The following FRMPD4 variants were observed in gnomAD, a reference collection of about 807,000 sequenced individuals.
FRMPD4 encodes the protein FERM and PDZ domain containing 4, also known as FERM and PDZ domain-containing protein 4.
Under a neutral mutation model 94.1 loss-of-function variants are expected in FRMPD4, and 22 were observed. That is an observed-to-expected ratio of 0.23 (90% confidence interval 0.17 to 0.33). The LOEUF is 0.33. FRMPD4 is among the 10% of genes least tolerant of loss of function. FRMPD4 has a pLI of 1.00. For missense variants in FRMPD4, 1,111 were observed against 1,339.9 expected, an observed-to-expected ratio of 0.83 and a Z score of 2.67; for synonymous variants, 631 against 548.6, an observed-to-expected ratio of 1.15 and a Z score of -2.10.
intron 1 of FRMPD4, among the ~76,000 whole-genome samples, chrX:12,179,934 G>A (rs185385681): frequency 1.7e-4 from 18 of 108,869 alleles, no homozygotes. Context: ...ATGAACTGGG[G>A]TTCAAAGCCC....
chrX:12,002,447 T>C (rs1476056176), intron 3 of FRMPD4, among the ~76,000 whole-genome samples: 1 of 112,225 alleles, frequency 8.9e-6, no homozygotes, highest in African/African-American at 3.2e-5. Context: ...TTAAAACAAG[T>C]ATGTAACAAA....
At chrX:12,049,028 A>G (rs2147449529) in intron 3 of FRMPD4, among the ~76,000 whole-genome samples, 1 of 111,464 alleles carries the variant, frequency 9.0e-6, no homozygotes, top group African/African-American at 3.3e-5. Flanking sequence ...AAAAAAATGA[A>G]ATTGGTAGTT....
At chrX:12,328,201 GTAA>G (rs1190003843) in intron 1 of FRMPD4, among the ~76,000 whole-genome samples, 1 of 112,067 alleles carries the variant, frequency 8.9e-6, no homozygotes. Flanking sequence ...AAGTCCCTGG[GTAA>G]TAATTTTCTA....
chrX:12,136,910 CACACACACACACACAT>C (rs1300057670), upstream of FRMPD4, among the ~76,000 whole-genome samples: 20 of 103,474 alleles, frequency 1.9e-4, no homozygotes, highest in East Asian at 2.6e-3. Flanking sequence ...CACACACACA[CACACACACACACACAT>C]ACACACACAC....
intron 1 of FRMPD4, among the ~76,000 whole-genome samples, chrX:12,216,270 C>T (rs2056805890): frequency 9.0e-6 from 1 of 111,491 alleles, no homozygotes; most frequent in Admixed American, 9.5e-5. Context: ...GGCATCGCTT[C>T]ACTCCCTAGC....
At chrX:11,920,876 T>G (rs1258132691) in intron 3 of FRMPD4, among the ~76,000 whole-genome samples, 1 of 111,229 alleles carries the variant, frequency 9.0e-6, no homozygotes, top group African/African-American at 3.3e-5. Flanking sequence ...GAGAGAGAGA[T>G]GTTTTACCTT....
chrX:12,671,031 A>G (rs2059836531), intron 4 of FRMPD4, among the ~76,000 whole-genome samples: 2 of 112,602 alleles, frequency 1.8e-5, no homozygotes, highest in South Asian at 7.3e-4. Flanking sequence ...CAAAACCACA[A>G]TGAGATACCA....
chrX:12,231,010 G>GTATGTATA (rs1555938195), intron 1 of FRMPD4, among the ~76,000 whole-genome samples: 524 of 38,850 alleles, frequency 0.013, 23 homozygotes, highest in Non-Finnish European at 0.019. Context: ...ATAATATATA[G>GTATGTATA]TATATATAGT....
intron 1 of FRMPD4, among the ~76,000 whole-genome samples, chrX:12,259,587 C>T (rs2054163337): frequency 9.0e-6 from 1 of 111,511 alleles, no homozygotes; most frequent in African/African-American, 3.3e-5. Flanking sequence ...TTGGGCTATC[C>T]GTTAGTGGGT....
chrX:12,599,096 C>T (rs1220919811), intron 2 of FRMPD4, among the ~76,000 whole-genome samples: 4 of 110,828 alleles, frequency 3.6e-5, no homozygotes, highest in South Asian at 3.8e-4. Flanking sequence ...AGAATACATG[C>T]GGACTGGGAG....
chrX:12,632,891 C>T (rs2059408691), intron 4 of FRMPD4, among the ~76,000 whole-genome samples: 2 of 112,320 alleles, frequency 1.8e-5, no homozygotes, highest in Admixed American at 1.9e-4. Flanking sequence ...TACTCCCTTG[C>T]CACCCTTTTG....
intron 1 of FRMPD4, among the ~76,000 whole-genome samples, chrX:12,142,107 G>A (rs2055700489): frequency 9.0e-6 from 1 of 111,396 alleles, no homozygotes; most frequent in African/African-American, 3.3e-5. Flanking sequence ...TAAGCAAAAC[G>A]GTAGACTTGA....
At chrX:12,467,820 T>C (rs761610042) in intron 1 of FRMPD4, among the ~76,000 whole-genome samples, 7 of 112,033 alleles carry the variant, frequency 6.2e-5, no homozygotes, top group Non-Finnish European at 7.5e-5. Context: ...CTATGAGTAA[T>C]ATCTCATGGA....
chrX:12,711,847 A>G (rs56404240), intron 14 of FRMPD4, among the ~76,000 whole-genome samples: 2,742 of 104,849 alleles, frequency 0.026, 110 homozygotes, highest in African/African-American at 0.091. Context: ...TGTTAAATTG[A>G]GCATAAACAT....
intron 1 of FRMPD4, among the ~76,000 whole-genome samples, chrX:12,233,570 C>T (rs2057036737): frequency 9.0e-6 from 1 of 111,697 alleles, no homozygotes; most frequent in Admixed American, 9.5e-5. Context: ...ATTGACTAAA[C>T]CTGCTGTATA....
intron 1 of FRMPD4, among the ~76,000 whole-genome samples, chrX:12,234,490 C>T (rs2057049486): frequency 9.0e-6 from 1 of 110,821 alleles, no homozygotes; most frequent in African/African-American, 3.3e-5. Context: ...TGCAGCAGGT[C>T]GTTGAACATT....
At chrX:12,531,563 A>G (rs2148290286) in intron 2 of FRMPD4, among the ~76,000 whole-genome samples, 1 of 111,700 alleles carries the variant, frequency 9.0e-6, no homozygotes, top group South Asian at 3.8e-4. Flanking sequence ...CATTTCTAAT[A>G]AGCTTCCAGG....
chrX:11,832,079 CCT>C (rs2053478086), intron 1 of FRMPD4, among the ~76,000 whole-genome samples: 1 of 111,506 alleles, frequency 9.0e-6, no homozygotes, highest in Admixed American at 9.5e-5. Flanking sequence ...AAACTGAGCC[CCT>C]GTTTTTGTCC....
chrX:12,479,897 G>C (rs958478218), intron 1 of FRMPD4, among the ~76,000 whole-genome samples: 1 of 109,957 alleles, frequency 9.1e-6, no homozygotes, highest in Non-Finnish European at 1.9e-5. Context: ...AGAGGCTAGG[G>C]GAGATTGATG....
Sources: allele counts gnomAD v4.1 joint callset (sites outside exome capture counted in the v4.1 genomes callset), GRCh38; gene constraint gnomAD v4.1.1; transcripts MANE v1.5; gene names NCBI Gene and HGNC (gene_info 2026-07-23, HGNC 2026-07-21).